NELL1: variants seen among roughly 807,000 people sequenced by gnomAD.
The protein encoded by NELL1 is neural EGFL like 1.
NELL1 carries 76 observed loss-of-function variants against 107.4 expected under a neutral mutation model. That is an observed-to-expected ratio of 0.71 (90% confidence interval 0.59 to 0.86). NELL1 has a LOEUF of 0.86. Among genes scored for constraint, NELL1 ranks in the 40% least tolerant of loss-of-function variants. The pLI, the probability that NELL1 is intolerant of heterozygous loss-of-function variation, is 0.00. For missense variants in NELL1, 1,024 were observed against 1,005.5 expected (o/e 1.02, Z -0.25); for synonymous variants, 353 against 341.2 (o/e 1.03, Z -0.38).
At chr11:21,185,368 C>T (rs1227489519) in intron 13 of NELL1, among the ~76,000 whole-genome samples, 2 of 142,936 alleles carry the variant, frequency 1.4e-5, no homozygotes, top group African/African-American at 2.6e-5. Flanking sequence ...CATCTCAGCT[C>T]ACTGCAACCT....
chr11:20,829,668 G>A (rs1857964230), intron 3 of NELL1, among the ~76,000 whole-genome samples: 1 of 151,986 alleles, frequency 6.6e-6, no homozygotes, highest in Admixed American at 6.6e-5. Flanking sequence ...TCTCAAAAAT[G>A]TTACAATTTG....
chr11:21,422,092 CATATGTGT>C (rs72028562), intron 15 of NELL1, among the ~76,000 whole-genome samples: 9,260 of 50,054 alleles, frequency 0.18, 627 homozygotes, highest in East Asian at 0.37. Context: ...GACATTTACA[CATATGTGT>C]GTGTGTGTGT....
chr11:20,707,214 G>A (rs1202465269), intron 2 of NELL1, among the ~76,000 whole-genome samples: 1 of 152,130 alleles, frequency 6.6e-6, no homozygotes, highest in African/African-American at 2.4e-5. Flanking sequence ...AGCTCTATCA[G>A]GTCATTTAAG....
At chr11:21,565,091 C>G (rs1014806128) in intron 17 of NELL1, among the ~76,000 whole-genome samples, 1 of 151,916 alleles carries the variant, frequency 6.6e-6, no homozygotes, top group African/African-American at 2.4e-5. Flanking sequence ...TTCCAGCAAA[C>G]TGCTCATAAA....
intron 15 of NELL1, among the ~76,000 whole-genome samples, chr11:21,407,290 C>T (rs866304429): frequency 6.6e-6 from 1 of 151,944 alleles, no homozygotes; most frequent in Non-Finnish European, 1.5e-5. Context: ...ATGGCGCATG[C>T]CTGTAGTCCT....
chr11:21,573,611 T>G (rs553896602), intron 19 of NELL1, among the ~76,000 whole-genome samples: 1 of 151,950 alleles, frequency 6.6e-6, no homozygotes, highest in South Asian at 2.1e-4. Flanking sequence ...CAAATGAGCA[T>G]GAAATAAAAG....
At chr11:20,783,887 A>C (rs1254380028) in intron 3 of NELL1, 57 bp downstream of exon 3, 1 of 1,479,932 alleles carries the variant, frequency 6.8e-7, no homozygotes, top group African/African-American at 1.4e-5. Context: ...GTTATACAAA[A>C]TGTCTTGGGA....
intron 15 of NELL1, among the ~76,000 whole-genome samples, chr11:21,374,468 A>G (rs1004407917): frequency 6.8e-6 from 1 of 147,282 alleles, no homozygotes; most frequent in Admixed American, 6.7e-5. Context: ...AAGTGATGAG[A>G]AAGAGAGTGA....
At chr11:20,708,890 G>A (rs1170171990) in intron 2 of NELL1, among the ~76,000 whole-genome samples, 18 of 152,118 alleles carry the variant, frequency 1.2e-4, no homozygotes, top group Non-Finnish European at 1.3e-4. Context: ...GGGGGCAGGC[G>A]ATGGTTTCAG....
At chr11:21,379,928 G>A (rs1325265768) in intron 15 of NELL1, among the ~76,000 whole-genome samples, 1 of 151,946 alleles carries the variant, frequency 6.6e-6, no homozygotes, top group African/African-American at 2.4e-5. Context: ...CTGTTACTGG[G>A]GGAGATTTTA....
At chr11:21,345,013 A>C (rs1387296152) in intron 14 of NELL1, among the ~76,000 whole-genome samples, 1 of 152,198 alleles carries the variant, frequency 6.6e-6, no homozygotes, top group South Asian at 2.1e-4. Flanking sequence ...AGTTTATGCA[A>C]ATTGAACCCA....
At chr11:21,488,306 A>T (rs1214249536) in intron 15 of NELL1, among the ~76,000 whole-genome samples, 1 of 152,216 alleles carries the variant, frequency 6.6e-6, no homozygotes, top group East Asian at 1.9e-4. Flanking sequence ...TTAAAAAAAA[A>T]AAGAAATAAA....
intron 7 of NELL1, among the ~76,000 whole-genome samples, chr11:20,921,794 G>GTTT (rs1459056003): frequency 2.0e-5 from 1 of 49,214 alleles, no homozygotes; most frequent in Non-Finnish European, 4.7e-5. Flanking sequence ...TTTTTATTGT[G>GTTT]TGTGTTTTTT....
At chr11:20,807,405 AAC>A (rs1430717560) in intron 3 of NELL1, among the ~76,000 whole-genome samples, 3 of 152,182 alleles carry the variant, frequency 2.0e-5, no homozygotes, top group Non-Finnish European at 4.4e-5. Flanking sequence ...TCCCCCAAAA[AAC>A]AGAGTCTCTC....
chr11:20,894,143 G>A (rs2134120257), intron 5 of NELL1, among the ~76,000 whole-genome samples: 1 of 152,262 alleles, frequency 6.6e-6, no homozygotes, highest in Admixed American at 6.5e-5. Flanking sequence ...TTCCAAGTGG[G>A]CTATAGATCA....
rs139554102 is a variant in NELL1 at position 21,074,991 on chromosome 11, A to G, written c.1301-38598A>G. The stretch of plus-strand genomic sequence containing the variant: ...TTTGCATGGGTAGAGAACTAATTCA[A>G]TAGTCTAGGATTATGTCAGTTTCAT... On this transcript the variant is annotated intron_variant, in intron 12 of 19. Coordinates refer to ENST00000357134, the MANE Select transcript of NELL1 (RefSeq NM_006157.5). 2.8e-3 allele frequency among the ~76,000 whole-genome samples: 434 copies of G among 152,318 alleles called. 1 individual carries two copies. The highest frequency in any genetic ancestry group is 9.6e-3 in the African/African-American group (397 of 41,566).
At chr11:21,252,649 T>C (rs1054794264) in intron 14 of NELL1, among the ~76,000 whole-genome samples, 1 of 152,176 alleles carries the variant, frequency 6.6e-6, no homozygotes, top group African/African-American at 2.4e-5. Flanking sequence ...AATTGGGAAT[T>C]AATCAGAAAT....
intron 14 of NELL1, among the ~76,000 whole-genome samples, chr11:21,248,796 G>A (rs1461505722): frequency 6.6e-6 from 1 of 152,130 alleles, no homozygotes; most frequent in African/African-American, 2.4e-5. Flanking sequence ...GCATTTTCCT[G>A]GCCACAAGGA....
chr11:21,268,466 C>A (rs2133931517), intron 14 of NELL1, among the ~76,000 whole-genome samples: 1 of 152,232 alleles, frequency 6.6e-6, no homozygotes, highest in South Asian at 2.1e-4. Flanking sequence ...CCTACCCAAT[C>A]TAGGGGAAAG....
Sources: gnomAD v4.1 joint callset for allele counts (sites outside exome capture counted in the v4.1 genomes callset) on GRCh38, gnomAD v4.1.1 for gene constraint, MANE v1.5 for transcripts, NCBI Gene and HGNC (gene_info 2026-07-23, HGNC 2026-07-21) for gene names.